PCDH9: variants seen among roughly 807,000 people sequenced by gnomAD.
The protein encoded by PCDH9 is protocadherin 9.
A neutral mutation model predicts 70.6 loss-of-function variants in PCDH9; 24 were observed. The ratio of observed to expected loss-of-function variants is 0.34; its 90% confidence interval spans 0.25 to 0.48. The LOEUF is 0.48. Ranked by LOEUF, PCDH9 falls within the 20% of genes least tolerant of loss-of-function variation. The probability of loss-of-function intolerance (pLI) is 0.99; values close to 1 mark genes in which losing one functional copy is unlikely to be tolerated. For missense variants in PCDH9, 1,281 were observed against 1,503.6 expected (o/e 0.85, Z 2.45); for synonymous variants, 562 against 558.5 (o/e 1.01, Z -0.09).
intron 4 of PCDH9, among the ~76,000 whole-genome samples, chr13:66,329,230 C>G (rs1955899406): frequency 6.6e-6 from 1 of 152,166 alleles, no homozygotes; most frequent in Non-Finnish European, 1.5e-5. Flanking sequence ...AACTTTGAGT[C>G]AAAGCCCTCA....
At chr13:66,538,785 A>G (rs1017642914) in intron 4 of PCDH9, among the ~76,000 whole-genome samples, 1 of 152,156 alleles carries the variant, frequency 6.6e-6, no homozygotes, top group Non-Finnish European at 1.5e-5. Flanking sequence ...CAATTGACAC[A>G]TAACTATCAT....
At chr13:66,321,315 G>T (rs1464098401) in intron 4 of PCDH9, among the ~76,000 whole-genome samples, 1 of 152,008 alleles carries the variant, frequency 6.6e-6, no homozygotes, top group Non-Finnish European at 1.5e-5. Flanking sequence ...TTTGCAGGGG[G>T]TGAGCAGAGT....
At chr13:66,750,532 G>A (rs9540893) in intron 3 of PCDH9, among the ~76,000 whole-genome samples, 74,277 of 151,442 alleles carry the variant, frequency 0.49, 20,316 homozygotes, top group Non-Finnish European at 0.63. Context: ...TTGTGACAAT[G>A]CAAAGCCAAT....
chr13:66,647,329 CT>C (rs1050019242), intron 3 of PCDH9, among the ~76,000 whole-genome samples: 11 of 152,232 alleles, frequency 7.2e-5, no homozygotes, highest in Admixed American at 3.9e-4. Flanking sequence ...GTAAACAGGA[CT>C]TTGTCTTGCA....
intron 3 of PCDH9, among the ~76,000 whole-genome samples, chr13:66,663,601 T>C (rs1405178096): frequency 3.3e-5 from 5 of 152,226 alleles, no homozygotes; most frequent in Admixed American, 2.0e-4. Flanking sequence ...TATCTGCATA[T>C]ATCTTGACAC....
rs372055021 is a variant in PCDH9 at position 67,002,980 on chromosome 13, TTTTAA to T, written c.3037-99380_3037-99376del. 3.5e-3 allele frequency among the ~76,000 whole-genome samples: 533 copies of T among 152,184 alleles called. 5 individuals carry two copies. The highest frequency in any genetic ancestry group is 0.012 in the African/African-American group (514 of 41,542). On this transcript the variant is annotated intron_variant, in intron 2 of 4. Transcript: ENST00000377865. ...TCCCTGTGTGTACATGGAGGCTTTT[TTTTAA>T]TTTGTTTGTTTTTAATGTTAAATGT...
intron 4 of PCDH9, among the ~76,000 whole-genome samples, chr13:66,523,664 G>A (rs1012589778): frequency 2.0e-5 from 3 of 151,888 alleles, no homozygotes; most frequent in African/African-American, 7.3e-5. Context: ...AGTTGGCAGG[G>A]GGAGGGTGGA....
intron 4 of PCDH9, among the ~76,000 whole-genome samples, chr13:66,393,138 T>TA (rs1391694389): frequency 6.6e-6 from 1 of 152,154 alleles, no homozygotes; most frequent in Non-Finnish European, 1.5e-5. Context: ...ATTCTAGTCT[T>TA]AAAATGACAC....
At chr13:66,697,737 A>G (rs999726577) in intron 3 of PCDH9, among the ~76,000 whole-genome samples, 3 of 152,178 alleles carry the variant, frequency 2.0e-5, no homozygotes, top group Non-Finnish European at 4.4e-5. Context: ...AAGACTAAAC[A>G]TGGAATGATC....
chr13:66,383,263 GAGGA>G (rs1473966045), intron 4 of PCDH9, among the ~76,000 whole-genome samples: 3 of 152,162 alleles, frequency 2.0e-5, no homozygotes, highest in African/African-American at 7.2e-5. Context: ...CAACGTATAA[GAGGA>G]AGGGTCTTTT....
At chr13:66,401,283 G>A (rs959422141) in intron 4 of PCDH9, among the ~76,000 whole-genome samples, 1 of 152,068 alleles carries the variant, frequency 6.6e-6, no homozygotes, top group African/African-American at 2.4e-5. Context: ...AGATCATGGG[G>A]GCGGTCCCCC....
chr13:67,113,027 C>A (rs1022330762), intron 2 of PCDH9, among the ~76,000 whole-genome samples: 1 of 152,164 alleles, frequency 6.6e-6, no homozygotes, highest in Non-Finnish European at 1.5e-5. Context: ...ATTTGGGCCT[C>A]CTTTTCCCTG....
chr13:66,755,544 T>C (rs1194646693), intron 3 of PCDH9, among the ~76,000 whole-genome samples: 1 of 152,158 alleles, frequency 6.6e-6, no homozygotes. Context: ...CACCTAAATA[T>C]AGATGTCCAC....
At chr13:66,752,604 C>T (rs921877267) in intron 3 of PCDH9, among the ~76,000 whole-genome samples, 4 of 152,166 alleles carry the variant, frequency 2.6e-5, no homozygotes, top group Admixed American at 2.0e-4. Context: ...GCCACATCTA[C>T]AGCATTTTTA....
At chr13:67,123,219 A>T (rs1045661480) in intron 2 of PCDH9, among the ~76,000 whole-genome samples, 5 of 152,302 alleles carry the variant, frequency 3.3e-5, no homozygotes, top group Non-Finnish European at 7.4e-5. Context: ...CAGGGGAGAA[A>T]TCAAATAAAT....
intron 4 of PCDH9, among the ~76,000 whole-genome samples, chr13:66,389,588 G>A (rs560068255): frequency 1.5e-4 from 23 of 152,232 alleles, no homozygotes; most frequent in South Asian, 4.1e-4. Context: ...GGGATTTCCC[G>A]TAGATATGAA....
At chr13:67,145,456 T>A (rs2087499963) in intron 2 of PCDH9, among the ~76,000 whole-genome samples, 1 of 151,944 alleles carries the variant, frequency 6.6e-6, no homozygotes, top group Admixed American at 6.6e-5. Flanking sequence ...AGCTCAAGAG[T>A]CTTAATTAAG....
chr13:66,952,697 G>A (rs1300117846), intron 2 of PCDH9, among the ~76,000 whole-genome samples: 1 of 152,042 alleles, frequency 6.6e-6, no homozygotes, highest in Non-Finnish European at 1.5e-5. Flanking sequence ...CCCACCTGTG[G>A]CCACCAGGGC....
At chr13:66,593,433 G>A (rs1469465587) in intron 4 of PCDH9, among the ~76,000 whole-genome samples, 1 of 151,756 alleles carries the variant, frequency 6.6e-6, no homozygotes, top group Non-Finnish European at 1.5e-5. Flanking sequence ...CCCCTAGAAA[G>A]TGGTTTTCAT....
Sources: gnomAD v4.1 joint callset for allele counts (sites outside exome capture counted in the v4.1 genomes callset) on GRCh38, gnomAD v4.1.1 for gene constraint, MANE v1.5 for transcripts, NCBI Gene and HGNC (gene_info 2026-07-23, HGNC 2026-07-21) for gene names.